The following PDCD11 variants were observed in gnomAD, a reference collection of about 807,000 sequenced individuals.
PDCD11 encodes protein RRP5 homolog.
A neutral mutation model predicts 198.9 loss-of-function variants in PDCD11; 97 were observed. The ratio of observed to expected loss-of-function variants is 0.49; its 90% CI spans 0.41 to 0.58. The LOEUF (loss-of-function observed/expected upper bound fraction) is 0.58. PDCD11 is among the 20% of genes least tolerant of loss of function. The probability of loss-of-function intolerance (pLI) is 0.00; values close to 1 mark genes in which losing one functional copy is unlikely to be tolerated. For missense variants in PDCD11, 2,102 were observed against 2,312.7 expected, an observed-to-expected ratio of 0.91 and a Z score of 1.87; for synonymous variants, 893 against 918.0, an observed-to-expected ratio of 0.97 and a Z score of 0.49.
intron 22 of PDCD11, 70 bp downstream of exon 22, chr10:103,432,304 G>A: frequency 8.9e-7 from 1 of 1,119,604 alleles, no homozygotes; most frequent in East Asian, 2.4e-5. Context: ...ACGTTGGAGA[G>A]AAAAGCCATT....
Position 103,419,681 on chromosome 10 carries a change from A to G in PDCD11, c.2250A>G (p.Ser750=). The G allele has an allele frequency of 1.2e-6, 2 of 1,614,058 alleles. No homozygotes were observed. Among genetic ancestry groups the G allele is most frequent in the Non-Finnish European group, 1.7e-6 (2 of 1,179,960 alleles). The change falls in exon 16 of 36, where the codon TCA becomes TCG. Residue 750 remains serine, a synonymous_variant. Transcript: ENST00000369797. ...KDYGVFIQFP[S]GLSGLAPKAI... ...ATGGCGTGTTCATCCAGTTCCCCTC[A>G]GGTCTTAGCGGACTGGCCCCAAAAG...
At chr10:103,442,033 GT>G in intron 31 of PDCD11, 58 bp downstream of exon 31, 2 of 1,602,794 alleles carry the variant, frequency 1.2e-6, no homozygotes, top group South Asian at 2.2e-5. Context: ...TCAGTCTCTT[GT>G]GCTCTGTTCC....
chr10:103,436,784 T>C (rs990609368), intron 25 of PDCD11, among the ~76,000 whole-genome samples: 3 of 152,256 alleles, frequency 2.0e-5, no homozygotes, highest in East Asian at 1.9e-4. Flanking sequence ...CTGATGGCTA[T>C]GATGCCACGT....
chr10:103,444,167 T>A, intron 34 of PDCD11, 99 bp downstream of exon 34: 2 of 1,021,998 alleles, frequency 2.0e-6, no homozygotes, highest in Non-Finnish European at 2.8e-6. Context: ...GAGAGCCTTG[T>A]GAGGGCTTTC....
chr10:103,434,286 G>A lies in PDCD11; in HGVS notation c.3603G>A (p.Gln1201=). The A allele has an allele frequency of 6.2e-7, 1 of 1,614,002 alleles. No individual in the cohort carries two copies. The highest frequency in any genetic ancestry group is 8.5e-7 in the Non-Finnish European group (1 of 1,179,828). Residue 1201 remains glutamine (Q), a synonymous_variant, in exon 24 of 36, where the codon CAG becomes CAA. Transcript: ENST00000369797. ...KHPDKKFRVG[Q]ALRATVVGPD... ...CAGATAAGAAGTTCCGGGTTGGCCA[G>A]GCCCTGAGGGCCACCGTTGTTGGCC...
At chr10:103,401,046 A>G (rs1296393146) in intron 3 of PDCD11, among the ~76,000 whole-genome samples, 1 of 151,926 alleles carries the variant, frequency 6.6e-6, no homozygotes, top group Admixed American at 6.6e-5. Context: ...TGAGCTACCC[A>G]CCGTGCCTGC....
Position 103,419,137 on chromosome 10 carries a change from T to A in PDCD11, c.2107-401T>A, listed in dbSNP as rs193068665. ...AATGGGCAGAGGAGGGAAAATGAGTTCATCAGTGTAAAGAGGGAGTAGTAG... is the reference window on the plus strand; with the variant it reads ...AATGGGCAGAGGAGGGAAAATGAGTACATCAGTGTAAAGAGGGAGTAGTAG... On this transcript the variant is annotated intron_variant, in intron 15 of 35. Coordinates refer to ENST00000369797, the MANE Select transcript of PDCD11 (RefSeq NM_014976.2). Among the ~76,000 whole-genome samples, 11 of 152,232 alleles carry A rather than the reference T, an allele frequency of 7.2e-5. No homozygotes were observed. The East Asian group carries it at 7.7e-4, about 11-fold the overall frequency.
In PDCD11 at chr10:103,442,465, CA is replaced by C; in HGVS notation, c.4955+6del. 6.2e-7 allele frequency: 1 copy of C among 1,611,938 alleles called. No individual in the cohort carries two copies. The highest frequency in any genetic ancestry group is 8.5e-7 in the Non-Finnish European group (1 of 1,179,054). ...CCTTAAGACCATCTCCTTCAGGTCT[CA>C]GCTTTGCCCCAGGGAGCACAGTGTC... On this transcript the variant is annotated splice_donor_region_variant and intron_variant, in intron 32 of 35. Coordinates refer to ENST00000369797, the MANE Select transcript of PDCD11 (RefSeq NM_014976.2).
chr10:103,418,691 A>T, intron 15 of PDCD11, 57 bp downstream of exon 15: 3 of 1,448,292 alleles, frequency 2.1e-6, no homozygotes, highest in Non-Finnish European at 2.9e-6. Flanking sequence ...GGGTGCTTGG[A>T]TGGGAAATTC....
intron 13 of PDCD11, 79 bp from the exon 14 acceptor site, chr10:103,417,709 CTGCA>C: frequency 6.9e-7 from 1 of 1,453,032 alleles, no homozygotes; most frequent in East Asian, 2.3e-5. Context: ...CCCAAGTCCT[CTGCA>C]GCAGTAGTGG....
At chr10:103,419,381 T>G (rs2031295500) in intron 15 of PDCD11, among the ~76,000 whole-genome samples, 157 bp from the exon 16 acceptor site, 1 of 152,200 alleles carries the variant, frequency 6.6e-6, no homozygotes, top group Non-Finnish European at 1.5e-5. Flanking sequence ...CTCCTAAGTT[T>G]CAGGCGATGT....
In PDCD11 at chr10:103,421,341, TGTTCA is replaced by T. The variant is rs1378891460; in HGVS notation, c.2278-5_2278-1del. Reference sequence around the variant, plus strand: ...TCTTCTCATCTCCTGCCTGTTCTTCTGTTCAGATCATGAGTGACAAATTTGTGACC... The same window carrying T: ...TCTTCTCATCTCCTGCCTGTTCTTCTGATCATGAGTGACAAATTTGTGACC... On this transcript the variant is annotated splice_acceptor_variant and splice_polypyrimidine_tract_variant and intron_variant, in intron 16 of 35. Transcript: ENST00000369797. LOFTEE classifies it high-confidence loss of function. 3 of 1,599,336 alleles carry T rather than the reference TGTTCA, an allele frequency of 1.9e-6. No homozygotes were observed. The highest frequency in any genetic ancestry group is 2.6e-6 in the Non-Finnish European group (3 of 1,171,448).
intron 7 of PDCD11, among the ~76,000 whole-genome samples, chr10:103,408,351 T>C (rs1006902080): frequency 1.3e-5 from 2 of 152,014 alleles, no homozygotes; most frequent in Non-Finnish European, 2.9e-5. Flanking sequence ...TTGGGTTTAC[T>C]CCCTCGTTTT....
intron 21 of PDCD11, among the ~76,000 whole-genome samples, chr10:103,431,270 C>G (rs1486594064): frequency 6.6e-6 from 1 of 152,046 alleles, no homozygotes; most frequent in African/African-American, 2.4e-5. Context: ...CAGGCTACAT[C>G]CCTTTGTGGT....
intron 27 of PDCD11, among the ~76,000 whole-genome samples, chr10:103,439,259 T>A (rs1314698424): frequency 6.6e-6 from 1 of 152,186 alleles, no homozygotes; most frequent in Non-Finnish European, 1.5e-5. Context: ...GGAGGATTGC[T>A]TGAGCCCATA....
Position 103,434,299 on chromosome 10 carries a change from A to G in PDCD11, c.3616A>G (p.Thr1206Ala). 1 of 1,613,816 alleles carries G rather than the reference A, an allele frequency of 6.2e-7. No individual in the cohort carries two copies. Among genetic ancestry groups the G allele is most frequent in the Non-Finnish European group, 8.5e-7 (1 of 1,179,736 alleles). ...KFRVGQALRA[T>A]VVGPDSSKTL... ...CCGGGTTGGCCAGGCCCTGAGGGCC[A>G]CCGTTGTTGGCCCAGATTCCTCCAA... The change falls in exon 24 of 36, where the codon ACC (threonine) becomes GCC (alanine). Residue 1206 changes from threonine to alanine, a missense_variant. Transcript: ENST00000369797.
intron 11 of PDCD11, among the ~76,000 whole-genome samples, chr10:103,414,657 A>G (rs1455415680): frequency 6.6e-6 from 1 of 152,202 alleles, no homozygotes. Flanking sequence ...AGCCAGTTCC[A>G]GGTACCTGTC....
intron 3 of PDCD11, among the ~76,000 whole-genome samples, chr10:103,400,900 G>C (rs747866654): frequency 1.3e-5 from 2 of 152,006 alleles, no homozygotes; most frequent in African/African-American, 4.8e-5. Context: ...TACTAAAGGT[G>C]TGTGTCACCA....
intron 8 of PDCD11, among the ~76,000 whole-genome samples, chr10:103,412,772 T>C (rs1011100386): frequency 6.6e-6 from 1 of 152,216 alleles, no homozygotes; most frequent in African/African-American, 2.4e-5. Flanking sequence ...CCTATTTTTG[T>C]ATTTTTTGTT....
Sources: gnomAD v4.1 joint callset for allele counts (sites outside exome capture counted in the v4.1 genomes callset) on GRCh38, gnomAD v4.1.1 for gene constraint, MANE v1.5 for transcripts, NCBI Gene and HGNC (gene_info 2026-07-23, HGNC 2026-07-21) for gene names.